RFX3: variants seen among roughly 807,000 people sequenced by gnomAD.
RFX3 encodes the protein transcription factor RFX3.
RFX3 carries 14 observed loss-of-function variants against 98.6 expected under a neutral mutation model. The observed-to-expected ratio is 0.14, with a 90% confidence interval of 0.09 to 0.22. RFX3 has a LOEUF of 0.22. Among genes scored for constraint, RFX3 ranks in the 10% least tolerant of loss-of-function variants. The pLI is 1.00. For synonymous variants in RFX3, 383 were observed against 328.4 expected (o/e 1.17, Z -1.80); for missense variants, 639 against 926.9 (o/e 0.69, Z 4.03).
Position 3,225,178 on chromosome 9 carries a change from A to C in RFX3, c.2114T>G (p.Val705Gly). 3 of 1,613,968 alleles carry C rather than the reference A, an allele frequency of 1.9e-6. No homozygotes were observed. Among genetic ancestry groups the C allele is most frequent in the Non-Finnish European group, 1.7e-6 (2 of 1,179,938 alleles). The change falls in exon 17 of 17, where the codon GTG (valine) becomes GGG (glycine). Residue 705 changes from valine (V) to glycine (G), a missense_variant. Val to Gly is a moderately radical substitution (Grantham distance 109, BLOSUM62 -3). Around this residue, in one of 9 missense-constraint regions of RFX3, gnomAD observed 129 missense variants for 124.6 expected, o/e 1.04. Coordinates refer to ENST00000617270, the MANE Select transcript of RFX3 (RefSeq NM_001282116.2). ...EKTELSQAFP[V>G]GCMQPVLETG... ...CTCGAGAACAGGCTGCATGCAGCCC[A>C]CTGGAAATGCCTGGCTCAGCTCTGT...
chr9:3,453,203 G>A (rs1173582260), intron 1 of RFX3, among the ~76,000 whole-genome samples: 1 of 151,966 alleles, frequency 6.6e-6, no homozygotes, highest in Non-Finnish European at 1.5e-5. Context: ...TAATCACTCT[G>A]TCATGTCTTC....
intron 4 of RFX3, among the ~76,000 whole-genome samples, chr9:3,305,941 A>T (rs563912497): frequency 1.4e-3 from 206 of 152,248 alleles, no homozygotes; most frequent in African/African-American, 4.7e-3. Flanking sequence ...TAAAACACTA[A>T]TCCCAAAGTG....
chr9:3,243,033 A>G (rs1563788866), intron 15 of RFX3, among the ~76,000 whole-genome samples: 1 of 151,976 alleles, frequency 6.6e-6, no homozygotes, highest in Non-Finnish European at 1.5e-5. Flanking sequence ...TTAATGGACT[A>G]TGTATGTTTT....
At position 3,525,778 on chromosome 9, in the gene RFX3, G is replaced by A; in HGVS notation, c.-40C>T. ...TGTGGATTATTGTGGTGTTGTTGGT[G>A]GGTGATGGAGATGGTGGTGGTGGGG... On this transcript the variant is annotated 5_prime_UTR_variant, in exon 1 of 17. Transcript: ENST00000617270. 1 of 458,572 alleles carries A rather than the reference G, an allele frequency of 2.2e-6. No individual in the cohort carries two copies. Among genetic ancestry groups the A allele is most frequent in the Non-Finnish European group, 2.9e-6 (1 of 347,884 alleles). The allele number at this position is 458,572 out of a possible 1,614,324, so 28.4% of individuals were successfully genotyped here.
chr9:3,495,855 T>C (rs1359045923), intron 1 of RFX3, among the ~76,000 whole-genome samples: 1 of 152,096 alleles, frequency 6.6e-6, no homozygotes, highest in African/African-American at 2.4e-5. Flanking sequence ...AAACCACTTC[T>C]ATTCTTTTAA....
intron 1 of RFX3, among the ~76,000 whole-genome samples, chr9:3,430,617 T>C (rs1350773577): frequency 6.6e-6 from 1 of 152,166 alleles, no homozygotes; most frequent in Non-Finnish European, 1.5e-5. Context: ...TTGCCATAAT[T>C]GTGTCCATCA....
At chr9:3,477,830 G>A (rs1849404153) in intron 1 of RFX3, among the ~76,000 whole-genome samples, 1 of 152,036 alleles carries the variant, frequency 6.6e-6, no homozygotes, top group Non-Finnish European at 1.5e-5. Context: ...TTGAGACTCT[G>A]TTCATTTTTC....
At chr9:3,397,235 T>A (rs1649242133) in intron 1 of RFX3, among the ~76,000 whole-genome samples, 1 of 152,232 alleles carries the variant, frequency 6.6e-6, no homozygotes, top group Non-Finnish European at 1.5e-5. Flanking sequence ...ATGCATTCAA[T>A]AAAAGAAATA....
intron 1 of RFX3, among the ~76,000 whole-genome samples, chr9:3,448,442 C>T (rs2132813379): frequency 1.3e-5 from 2 of 152,298 alleles, no homozygotes; most frequent in East Asian, 3.9e-4. Context: ...AGCTGTATCA[C>T]CATGAGTCCT....
At chr9:3,323,264 C>T (rs34354121) in intron 4 of RFX3, among the ~76,000 whole-genome samples, 7,542 of 152,104 alleles carry the variant, frequency 0.05, 206 homozygotes, top group Non-Finnish European at 0.063. Flanking sequence ...GGCACTGTGT[C>T]GTATTTTTCC....
At chr9:3,256,277 A>G (rs1438843183) in intron 14 of RFX3, among the ~76,000 whole-genome samples, 1 of 151,078 alleles carries the variant, frequency 6.6e-6, no homozygotes, top group East Asian at 1.9e-4. Flanking sequence ...GCCACTAATC[A>G]CTATCTCTTG....
At chr9:3,410,161 CTGTGTGTGTG>C (rs555349379) in intron 1 of RFX3, among the ~76,000 whole-genome samples, 122 of 114,124 alleles carry the variant, frequency 1.1e-3, no homozygotes, top group East Asian at 0.011. Context: ...GTGAGATAAA[CTGTGTGTGTG>C]TGTGTGTGTG....
chr9:3,517,943 A>C (rs777562361), intron 1 of RFX3, among the ~76,000 whole-genome samples: 2 of 152,194 alleles, frequency 1.3e-5, no homozygotes, highest in Non-Finnish European at 2.9e-5. Flanking sequence ...GAGCTCAAAA[A>C]TTCCTATAGC....
intron 1 of RFX3, among the ~76,000 whole-genome samples, chr9:3,460,625 A>G (rs895266325): frequency 2.6e-5 from 4 of 152,016 alleles, no homozygotes; most frequent in Non-Finnish European, 4.4e-5. Flanking sequence ...CATGTCACTT[A>G]GTTCATTTTG....
At chr9:3,320,656 G>A (rs1045983636) in intron 4 of RFX3, among the ~76,000 whole-genome samples, 3 of 125,362 alleles carry the variant, frequency 2.4e-5, no homozygotes, top group African/African-American at 4.6e-5. Flanking sequence ...CTGCTTTTTC[G>A]CTCAACATGG....
intron 2 of RFX3, among the ~76,000 whole-genome samples, chr9:3,352,713 A>G (rs145472651): frequency 1.1e-4 from 16 of 152,212 alleles, no homozygotes; most frequent in Non-Finnish European, 1.8e-4. Flanking sequence ...TCATGTGACA[A>G]AAGGCATCAT....
In RFX3 at chr9:3,261,104, TAAAACAAC is replaced by T. The variant is rs1216034552; in HGVS notation, c.1605+1823_1605+1830del. Among the ~76,000 whole-genome samples, 6 of 152,136 alleles carry T rather than the reference TAAAACAAC, an allele frequency of 3.9e-5. No homozygotes were observed. The East Asian group carries it at 1.2e-3, about 29-fold the overall frequency. ...AAATAATTACTAATTAGCTTATTTT[TAAAACAAC>T]AGTAATGTTTTTTAACAGCTTTACT... On this transcript the variant is annotated intron_variant, in intron 13 of 16. Coordinates refer to ENST00000617270, the MANE Select transcript of RFX3 (RefSeq NM_001282116.2).
intron 2 of RFX3, among the ~76,000 whole-genome samples, chr9:3,369,924 G>A (rs995514506): frequency 6.6e-6 from 1 of 151,610 alleles, no homozygotes; most frequent in Non-Finnish European, 1.5e-5. Flanking sequence ...CCGCCCTCGG[G>A]TTCCCGCCAT....
intron 1 of RFX3, among the ~76,000 whole-genome samples, chr9:3,496,894 ACT>A (rs1851144305): frequency 6.6e-6 from 1 of 152,054 alleles, no homozygotes; most frequent in East Asian, 1.9e-4. Context: ...CTGGCATACA[ACT>A]GTCTCATACA....
Sources: gnomAD v4.1 joint callset for allele counts (sites outside exome capture counted in the v4.1 genomes callset) on GRCh38, gnomAD v4.1.1 for gene constraint, gnomAD v4.1.1 regional missense constraint, MANE v1.5 for transcripts, NCBI Gene and HGNC (gene_info 2026-07-23, HGNC 2026-07-21) for gene names.